The following NAV2 variants were observed in gnomAD, a reference collection of about 807,000 sequenced individuals.
NAV2 encodes the protein helicase, APC down-regulated 1.
In NAV2, 54 loss-of-function variants were observed where a neutral mutation model predicts 223.2. The ratio of observed to expected loss-of-function variants is 0.24; its 90% CI spans 0.19 to 0.30. The LOEUF is 0.30. Among genes scored for constraint, NAV2 ranks in the 10% least tolerant of loss-of-function variants. The pLI is 1.00. For synonymous variants in NAV2, 1,279 were observed against 1,239.3 expected (o/e 1.03, Z -0.67); for missense variants, 2,806 against 3,147.5 (o/e 0.89, Z 2.60).
intron 1 of NAV2, among the ~76,000 whole-genome samples, chr11:19,658,452 A>G (rs1027332782): frequency 6.6e-6 from 1 of 152,296 alleles, no homozygotes; most frequent in South Asian, 2.1e-4. Flanking sequence ...AGGCAGGGGA[A>G]CTAAAATGCT....
At chr11:19,414,561 G>A (rs781260834) in intron 1 of NAV2, among the ~76,000 whole-genome samples, 1 of 152,004 alleles carries the variant, frequency 6.6e-6, no homozygotes, top group Non-Finnish European at 1.5e-5. Flanking sequence ...ACAAGGATAT[G>A]CAGGACTTGA....
chr11:19,990,670 A>C (rs1015352708), intron 11 of NAV2, among the ~76,000 whole-genome samples: 4 of 152,132 alleles, frequency 2.6e-5, no homozygotes, highest in African/African-American at 9.7e-5. Context: ...TTTGAGCCTT[A>C]TCTCCCCTAC....
chr11:19,570,090 A>G (rs971987649), intron 1 of NAV2, among the ~76,000 whole-genome samples: 1 of 152,060 alleles, frequency 6.6e-6, no homozygotes, highest in Non-Finnish European at 1.5e-5. Flanking sequence ...TGGAATCACT[A>G]CCTATCACTA....
At chr11:19,976,739 C>G (rs1476575945) in intron 10 of NAV2, among the ~76,000 whole-genome samples, 2 of 152,332 alleles carry the variant, frequency 1.3e-5, no homozygotes, top group East Asian at 3.9e-4. Context: ...ATCTGGCTCA[C>G]TTTGCAGCAG....
chr11:19,725,903 A>G (rs2051193761), intron 1 of NAV2, among the ~76,000 whole-genome samples: 1 of 152,200 alleles, frequency 6.6e-6, no homozygotes, highest in African/African-American at 2.4e-5. Context: ...TGCTGTTTTT[A>G]AGAGTGTCTC....
rs112745665 is a variant in NAV2, at chr11:19,836,571, A to C, written c.385+3970A>C. Among the ~76,000 whole-genome samples, 59 of 147,912 alleles carry C rather than the reference A, an allele frequency of 4.0e-4. 1 individual carries two copies. Among genetic ancestry groups the C allele is most frequent in the African/African-American group, 1.5e-3 (57 of 37,704 alleles). On this transcript the variant is annotated intron_variant, in intron 2 of 37. Coordinates refer to ENST00000349880, the MANE Select transcript of NAV2 (RefSeq NM_145117.5). ...AGAGCGAGACTCTGTCTCAAAAAAA[A>C]AAAAAAAAAAGCTCCGATCTGATGA... is the stretch of plus-strand genomic sequence containing the variant.
intron 1 of NAV2, among the ~76,000 whole-genome samples, chr11:19,450,778 G>A (rs969728623): frequency 3.3e-5 from 5 of 152,310 alleles, no homozygotes; most frequent in South Asian, 2.1e-4. Flanking sequence ...ACGCGTTTGT[G>A]TAGAGTTTTC....
chr11:20,042,447 T>C (rs1201548258), intron 12 of NAV2, among the ~76,000 whole-genome samples: 1 of 152,104 alleles, frequency 6.6e-6, no homozygotes, highest in Non-Finnish European at 1.5e-5. Flanking sequence ...GAGCTTCTCA[T>C]AGCCAGGCAG....
Position 20,083,194 on chromosome 11 carries a change from C to G in NAV2, c.5498+15C>G. The G allele has an allele frequency of 1.2e-6, 2 of 1,604,664 alleles. No individual in the cohort carries two copies. Among genetic ancestry groups the G allele is most frequent in the Non-Finnish European group, 1.7e-6 (2 of 1,174,284 alleles). On this transcript the variant is annotated intron_variant, in intron 26 of 37. Coordinates refer to ENST00000349880, the MANE Select transcript of NAV2 (RefSeq NM_145117.5). ...TCCAACTCTCTGTAAGTCTGTCTGT[C>G]TAGTCAGATAACATCTTTGGCCCCT...
At chr11:19,621,282 G>T (rs2046986521) in intron 1 of NAV2, among the ~76,000 whole-genome samples, 1 of 151,540 alleles carries the variant, frequency 6.6e-6, no homozygotes, top group Non-Finnish European at 1.5e-5. Flanking sequence ...TCATAATTAG[G>T]GTGGATTCCC....
intron 3 of NAV2, among the ~76,000 whole-genome samples, chr11:19,853,900 A>G (rs1358780153): frequency 6.6e-6 from 1 of 152,180 alleles, no homozygotes; most frequent in Admixed American, 6.5e-5. Context: ...AACCTGGTAG[A>G]TGCTCACTCA....
At chr11:19,515,919 A>G (rs1445263337) in intron 1 of NAV2, among the ~76,000 whole-genome samples, 2 of 152,238 alleles carry the variant, frequency 1.3e-5, no homozygotes, top group African/African-American at 4.8e-5. Flanking sequence ...AGCCTGAGCA[A>G]CTAGAAGAAT....
chr11:19,457,413 A>G, intron 1 of NAV2, among the ~76,000 whole-genome samples: 1 of 152,212 alleles, frequency 6.6e-6, no homozygotes, highest in East Asian at 1.9e-4. Context: ...GCAAGTGCAG[A>G]TGCTCTGAGG....
chr11:20,102,874 C>T lies in NAV2; in HGVS notation c.6418-381C>T, dbSNP rs532088845. ...CCAATGCTGTGTGTTGTGTCTGCCA[C>T]AGCACTACTCAGCATGACTTAAGTG... On this transcript the variant is annotated intron_variant, in intron 32 of 37. Coordinates refer to ENST00000349880, the MANE Select transcript of NAV2 (RefSeq NM_145117.5). Among the ~76,000 whole-genome samples the T allele has an allele frequency of 2.0e-3, 297 of 152,286 alleles. 1 individual carries two copies. The highest frequency in any genetic ancestry group is 6.8e-3 in the African/African-American group (283 of 41,560).
chr11:19,733,818 A>G (rs1315055577), intron 1 of NAV2, among the ~76,000 whole-genome samples: 1 of 152,144 alleles, frequency 6.6e-6, no homozygotes, highest in East Asian at 1.9e-4. Context: ...TAATCCTGGT[A>G]CTGCTACTGA....
intron 1 of NAV2, among the ~76,000 whole-genome samples, chr11:19,482,245 C>T (rs2042302169): frequency 6.6e-6 from 1 of 152,080 alleles, no homozygotes; most frequent in African/African-American, 2.4e-5. Flanking sequence ...CATCTACGTT[C>T]CCTACAAAAA....
intron 6 of NAV2, among the ~76,000 whole-genome samples, chr11:19,929,990 C>A (rs1222498616): frequency 6.6e-6 from 1 of 152,136 alleles, no homozygotes; most frequent in Non-Finnish European, 1.5e-5. Context: ...CCTCATAGAG[C>A]CCTCTACCAC....
At chr11:19,939,570 G>C in intron 7 of NAV2, 91 bp from the exon 8 acceptor site, 1 of 859,978 alleles carries the variant, frequency 1.2e-6, no homozygotes, top group Non-Finnish European at 1.9e-6. Context: ...GCTACAGGAG[G>C]TGATGGTGAG....
chr11:19,473,620 T>C (rs542756831), intron 1 of NAV2, among the ~76,000 whole-genome samples: 1 of 152,284 alleles, frequency 6.6e-6, no homozygotes, highest in South Asian at 2.1e-4. Flanking sequence ...CCCAGTGTCA[T>C]GCATATAGCT....
Sources: allele counts gnomAD v4.1 joint callset (sites outside exome capture counted in the v4.1 genomes callset), GRCh38; gene constraint gnomAD v4.1.1; transcripts MANE v1.5; gene names NCBI Gene and HGNC (gene_info 2026-07-23, HGNC 2026-07-21).